Variants in CHEK1 observed in about 807,000 individuals in gnomAD.
CHEK1 encodes checkpoint kinase 1.
Under a neutral mutation model 60.2 loss-of-function variants are expected in CHEK1, and 32 were observed. The observed-to-expected ratio is 0.53, with a 90% confidence interval of 0.40 to 0.71. The LOEUF (loss-of-function observed/expected upper bound fraction) is 0.71. Among genes scored for constraint, CHEK1 ranks in the 30% least tolerant of loss-of-function variants. The pLI, the probability that CHEK1 is intolerant of heterozygous loss-of-function variation, is 0.00. For missense variants in CHEK1, 399 were observed against 564.6 expected, an observed-to-expected ratio of 0.71 and a Z score of 2.97; for synonymous variants, 179 against 187.2, an observed-to-expected ratio of 0.96 and a Z score of 0.36.
chr11:125,678,970 T>C (rs1480201944), downstream of CHEK1, among the ~76,000 whole-genome samples: 9 of 38,798 alleles, frequency 2.3e-4, 1 homozygote, highest in Admixed American at 1.3e-3. Context: ...AAAAAAAGTC[T>C]AGGCATATTA....
In CHEK1 at chr11:125,653,754, A is replaced by G; in HGVS notation, c.1242A>G (p.Ile414Met). 3 of 1,563,834 alleles carry G rather than the reference A, an allele frequency of 1.9e-6. No homozygotes were observed. Among genetic ancestry groups the G allele is most frequent in the Admixed American group, 1.8e-5 (1 of 57,066 alleles). The part of the protein sequence containing the change: ...WKKSCMNQVT[I>M]STTDRRNNKL... Reference sequence around the variant, plus strand: ...TATTTTTGTTGCCTTAGGTTACTATATCAACAACTGATAGGAGAAACAATA... The same window carrying G: ...TATTTTTGTTGCCTTAGGTTACTATGTCAACAACTGATAGGAGAAACAATA... The change falls in exon 12 of 13, where the codon ATA (isoleucine) becomes ATG (methionine). Residue 414 changes from isoleucine (I) to methionine (M), a missense_variant. This residue lies in a region of CHEK1 where 370 missense variants were observed against 494.8 expected (regional missense o/e 0.75). Transcript: ENST00000438015. This position sits in a 1 kb window ranked among gnomAD's most constrained non-coding sequence, Gnocchi z 4.3.
At chr11:125,668,437 T>C (rs772282055) in intron 13 of CHEK1, among the ~76,000 whole-genome samples, 1 of 152,216 alleles carries the variant, frequency 6.6e-6, no homozygotes, top group Non-Finnish European at 1.5e-5. Context: ...ATTGTTGATA[T>C]TTGGATTTTT....
intron 8 of CHEK1, among the ~76,000 whole-genome samples, chr11:125,640,962 A>G (rs1941280752): frequency 6.6e-6 from 1 of 152,130 alleles, no homozygotes; most frequent in Non-Finnish European, 1.5e-5. Flanking sequence ...TCTGAGTAGC[A>G]TAATAAAATC....
chr11:125,677,916 G>A, downstream of CHEK1: 1 of 1,614,044 alleles, frequency 6.2e-7, no homozygotes, highest in Non-Finnish European at 8.5e-7. Flanking sequence ...ATGTTCACCT[G>A]AAGGCTGTTC....
chr11:125,649,282 G>A (rs1941618692), intron 11 of CHEK1, among the ~76,000 whole-genome samples: 1 of 152,104 alleles, frequency 6.6e-6, no homozygotes, highest in Admixed American at 6.6e-5. Flanking sequence ...AAATTCCTGG[G>A]CTCAAGTGAC....
downstream of CHEK1, among the ~76,000 whole-genome samples, chr11:125,679,216 C>CTTTTTTTTTTTTTTTTTTTT (rs71045115): frequency 3.0e-3 from 364 of 120,996 alleles, 25 homozygotes; most frequent in African/African-American, 0.011. Flanking sequence ...CCGTCTCTTT[C>CTTTTTTTTTTTTTTTTTTTT]TTTTTTTTTT....
chr11:125,677,761 A>C (rs747558449), downstream of CHEK1: 3 of 1,607,030 alleles, frequency 1.9e-6, no homozygotes, highest in Non-Finnish European at 8.5e-7. Context: ...TTCCCACCTG[A>C]AGTCAATGAC....
intron 13 of CHEK1, among the ~76,000 whole-genome samples, chr11:125,669,555 G>A (rs1253985851): frequency 9.3e-5 from 11 of 117,910 alleles, no homozygotes; most frequent in Admixed American, 8.3e-4. Context: ...ATGAAGTCTC[G>A]CTCTGTCGCC....
At position 125,644,576 on chromosome 11, in the gene CHEK1, C is replaced by T. The variant is rs758434651; in HGVS notation, c.1166C>T (p.Ser389Phe). The T allele has an allele frequency of 6.2e-7, 1 of 1,613,932 alleles. No individual in the cohort carries two copies. The highest frequency in any genetic ancestry group is 8.5e-7 in the Non-Finnish European group (1 of 1,179,998). ...RFFTKLDADK[S>F]YQCLKETCEK... ...TTTACCAAATTGGATGCAGACAAAT[C>T]TTATCAATGCCTGAAAGAGACTTGT... The change falls in exon 11 of 13, where the codon TCT becomes TTT. Residue 389 changes from serine to phenylalanine, a missense_variant. Transcript: ENST00000438015.
At chr11:125,677,181 A>T (rs1262222519), downstream of CHEK1, among the ~76,000 whole-genome samples, 1 of 152,224 alleles carries the variant, frequency 6.6e-6, no homozygotes, top group East Asian at 1.9e-4. Context: ...TAGAATAATG[A>T]TATTTAAACA....
chr11:125,652,422 T>A (rs1358032318), intron 11 of CHEK1, among the ~76,000 whole-genome samples: 1 of 152,226 alleles, frequency 6.6e-6, no homozygotes, highest in African/African-American at 2.4e-5. Context: ...CAGCCACAAG[T>A]CAGGCCTTTT....
intron 3 of CHEK1, 57 bp downstream of exon 3, chr11:125,627,887 A>G: frequency 6.9e-6 from 9 of 1,313,178 alleles, no homozygotes; most frequent in Non-Finnish European, 9.3e-6. Context: ...TGTTTTTTAA[A>G]TCTTGGGCAT....
At chr11:125,632,782 A>G (rs1565365646) in intron 5 of CHEK1, among the ~76,000 whole-genome samples, 1 of 152,146 alleles carries the variant, frequency 6.6e-6, no homozygotes, top group African/African-American at 2.4e-5. Flanking sequence ...CTAACATACT[A>G]CTGATGTTTC....
intron 13 of CHEK1, among the ~76,000 whole-genome samples, chr11:125,665,489 C>G (rs1038170991): frequency 6.6e-6 from 1 of 151,810 alleles, no homozygotes; most frequent in Non-Finnish European, 1.5e-5. Flanking sequence ...GTAATGCTGG[C>G]CTGGTAAAAT....
chr11:125,649,087 C>T (rs1405959621), intron 11 of CHEK1, among the ~76,000 whole-genome samples: 1 of 152,106 alleles, frequency 6.6e-6, no homozygotes, highest in Non-Finnish European at 1.5e-5. Context: ...TACAGGTGTG[C>T]ACCACCATGC....
chr11:125,629,505 T>A, intron 5 of CHEK1, 45 bp downstream of exon 5: 1 of 1,328,228 alleles, frequency 7.5e-7, no homozygotes, highest in Non-Finnish European at 1.0e-6. Context: ...ATAAAATAAT[T>A]ACCTAAATTA....
chr11:125,662,124 T>A (rs1196598920), downstream of CHEK1, among the ~76,000 whole-genome samples: 1 of 152,226 alleles, frequency 6.6e-6, no homozygotes, highest in African/African-American at 2.4e-5. Flanking sequence ...TTAGCCTGTT[T>A]AGGCTTCTAG....
chr11:125,638,649 C>T (rs541356088), intron 8 of CHEK1, among the ~76,000 whole-genome samples: 345 of 152,264 alleles, frequency 2.3e-3, no homozygotes, highest in Middle Eastern at 6.8e-3. Flanking sequence ...ACCCTCATGT[C>T]CTTTGATCTG....
rs958782834 is a variant in CHEK1 at position 125,673,069 on chromosome 11, GT to G, written c.*28-2856del. Among the ~76,000 whole-genome samples the G allele has an allele frequency of 7.7e-4, 117 of 152,108 alleles. 1 individual carries two copies. Among genetic ancestry groups the G allele is most frequent in the African/African-American group, 2.6e-3 (107 of 41,472 alleles). ...ATCCTCCTCACCTTGGCCCCTCACA[GT>G]TTGAATCATGACCCTACTATGCCGA... On this transcript the variant is annotated intron_variant, in intron 13 of 13. Coordinates refer to the CHEK1 transcript ENST00000428830.
Sources: gnomAD v4.1 joint callset for allele counts (sites outside exome capture counted in the v4.1 genomes callset) on GRCh38, gnomAD v4.1.1 for gene constraint, gnomAD v4.1.1 regional missense constraint, Gnocchi (gnomAD v3.1) non-coding constraint, MANE v1.5 for transcripts, NCBI Gene and HGNC (gene_info 2026-07-23, HGNC 2026-07-21) for gene names.